PDGFD: variants seen among roughly 807,000 people sequenced by gnomAD.
The protein encoded by PDGFD is platelet derived growth factor D.
In PDGFD, 30 loss-of-function variants were observed where a neutral mutation model predicts 44.7. The ratio of observed to expected loss-of-function variants is 0.67; its 90% CI spans 0.50 to 0.91. The LOEUF (loss-of-function observed/expected upper bound fraction) is 0.91, where lower values mean the gene tolerates loss of function less well. Ranked by LOEUF, PDGFD falls within the 40% of genes least tolerant of loss-of-function variation. The pLI, the probability that PDGFD is intolerant of heterozygous loss-of-function variation, is 0.00. For missense variants in PDGFD, 445 were observed against 457.8 expected, an observed-to-expected ratio of 0.97 and a Z score of 0.25; for synonymous variants, 173 against 168.4, an observed-to-expected ratio of 1.03 and a Z score of -0.21.
At chr11:104,125,968 T>C (rs1404966993) in intron 1 of PDGFD, among the ~76,000 whole-genome samples, 1 of 152,134 alleles carries the variant, frequency 6.6e-6, no homozygotes, top group African/African-American at 2.4e-5. Flanking sequence ...ATACATATCA[T>C]GCAATAAAGA....
chr11:104,001,503 C>T (rs1859619128), intron 1 of PDGFD, among the ~76,000 whole-genome samples: 1 of 152,188 alleles, frequency 6.6e-6, no homozygotes, highest in Non-Finnish European at 1.5e-5. Context: ...GTCAGAAGTG[C>T]AAGTGAGCTG....
intron 3 of PDGFD, among the ~76,000 whole-genome samples, chr11:103,951,742 G>A (rs111613931): frequency 1.3e-5 from 2 of 152,052 alleles, no homozygotes; most frequent in African/African-American, 4.8e-5. Flanking sequence ...TTAGTTCTCT[G>A]CTCAAATATC....
chr11:104,037,176 C>T (rs1187528223), intron 1 of PDGFD: 2 of 1,613,536 alleles, frequency 1.2e-6, no homozygotes, highest in Admixed American at 1.7e-5. Flanking sequence ...AGCAGCAGCG[C>T]ACACCCGCTG....
At chr11:104,118,174 G>T (rs573977139) in intron 1 of PDGFD, among the ~76,000 whole-genome samples, 12 of 151,950 alleles carry the variant, frequency 7.9e-5, no homozygotes, top group African/African-American at 2.9e-4. Flanking sequence ...TTCCAAGTTG[G>T]ATTATGAAGC....
intron 1 of PDGFD, among the ~76,000 whole-genome samples, chr11:104,097,221 C>T (rs1861300877): frequency 6.6e-6 from 1 of 152,118 alleles, no homozygotes; most frequent in African/African-American, 2.4e-5. Context: ...AATAGCAGGC[C>T]ATGCACTCTA....
intron 1 of PDGFD, among the ~76,000 whole-genome samples, chr11:104,050,000 A>C (rs7121786): frequency 0.05 from 7,598 of 152,286 alleles, 232 homozygotes; most frequent in Non-Finnish European, 0.078. Flanking sequence ...GGTAGGGGCC[A>C]TGAGAGAACA....
At chr11:104,001,149 C>T (rs182250411) in intron 1 of PDGFD, among the ~76,000 whole-genome samples, 172 of 152,278 alleles carry the variant, frequency 1.1e-3, no homozygotes, top group Middle Eastern at 6.8e-3. Flanking sequence ...GGATGAAAGA[C>T]GGATTGAAGA....
chr11:104,094,127 A>AATC (rs34614123), intron 1 of PDGFD, among the ~76,000 whole-genome samples: 9 of 151,308 alleles, frequency 5.9e-5, no homozygotes, highest in Non-Finnish European at 1.2e-4. Context: ...TTGCCTCTTA[A>AATC]ACCAGCCCTC....
intron 1 of PDGFD, among the ~76,000 whole-genome samples, chr11:104,131,280 G>A (rs1861916405): frequency 1.3e-5 from 2 of 152,246 alleles, no homozygotes; most frequent in East Asian, 1.9e-4. Context: ...TACTAATAGT[G>A]CATGTAACTT....
At chr11:103,929,744 C>T (rs1045481204) in intron 5 of PDGFD, among the ~76,000 whole-genome samples, 1 of 152,290 alleles carries the variant, frequency 6.6e-6, no homozygotes, top group South Asian at 2.1e-4. Flanking sequence ...AACTTCAAAG[C>T]GTGATTGCAG....
intron 1 of PDGFD, among the ~76,000 whole-genome samples, chr11:104,030,900 C>T (rs1002095503): frequency 6.6e-6 from 1 of 152,152 alleles, no homozygotes; most frequent in Non-Finnish European, 1.5e-5. Flanking sequence ...AACAAATAAC[C>T]TCTACCTCCT....
chr11:104,152,326 T>C (rs1565349655), intron 1 of PDGFD, among the ~76,000 whole-genome samples: 1 of 152,210 alleles, frequency 6.6e-6, no homozygotes, highest in African/African-American at 2.4e-5. Flanking sequence ...TTTAGAAACT[T>C]TGTTGATGAA....
intron 6 of PDGFD, among the ~76,000 whole-genome samples, chr11:103,914,824 T>A (rs1192064836): frequency 6.6e-6 from 1 of 152,148 alleles, no homozygotes; most frequent in Non-Finnish European, 1.5e-5. Flanking sequence ...GGCCATCACA[T>A]AAACAGAACC....
At chr11:104,001,924 T>C (rs959340219) in intron 1 of PDGFD, among the ~76,000 whole-genome samples, 3 of 152,226 alleles carry the variant, frequency 2.0e-5, no homozygotes, top group Non-Finnish European at 4.4e-5. Context: ...TGATTTTGCA[T>C]ATGGGAATTT....
Position 104,017,559 on chromosome 11 carries a change from T to G in PDGFD, c.125-17304A>C, listed in dbSNP as rs576341292. Among the ~76,000 whole-genome samples, 7 of 152,268 alleles carry G rather than the reference T, an allele frequency of 4.6e-5. No homozygotes were observed. The South Asian group carries it at 1.5e-3, about 32-fold the overall frequency. ...CAACATCCATCTCCATTACAGAAAA[T>G]ATGGTATTTCCAATTAGTAATCCTC... On this transcript the variant is annotated intron_variant, in intron 1 of 6. Transcript: ENST00000393158.
At chr11:104,157,183 G>C (rs114827704) in intron 1 of PDGFD, among the ~76,000 whole-genome samples, 2 of 152,162 alleles carry the variant, frequency 1.3e-5, no homozygotes, top group South Asian at 4.1e-4. Context: ...ACCAGGGCGA[G>C]GGGGGTACCT....
intron 3 of PDGFD, among the ~76,000 whole-genome samples, chr11:103,994,311 C>T (rs978044100): frequency 2.3e-4 from 35 of 152,182 alleles, no homozygotes; most frequent in Non-Finnish European, 5.9e-5. Flanking sequence ...GCCAAGCCTG[C>T]TCCATCCATG....
chr11:103,940,632 A>G (rs760983403), intron 5 of PDGFD, among the ~76,000 whole-genome samples: 2 of 152,182 alleles, frequency 1.3e-5, no homozygotes, highest in African/African-American at 2.4e-5. Context: ...CAAAGCAGAA[A>G]ATACCAGCTG....
chr11:104,068,848 G>T (rs777366872), intron 1 of PDGFD, among the ~76,000 whole-genome samples: 9 of 152,156 alleles, frequency 5.9e-5, no homozygotes, highest in Middle Eastern at 6.8e-3. Context: ...GTGTCTGCGT[G>T]TGTATTTTTT....
Sources: gnomAD v4.1 joint callset for allele counts (sites outside exome capture counted in the v4.1 genomes callset) on GRCh38, gnomAD v4.1.1 for gene constraint, MANE v1.5 for transcripts, NCBI Gene and HGNC (gene_info 2026-07-23, HGNC 2026-07-21) for gene names.